The following DCC variants were observed in gnomAD, a reference collection of about 807,000 sequenced individuals.
The protein encoded by DCC is netrin receptor DCC.
A neutral mutation model predicts 172.5 loss-of-function variants in DCC; 58 were observed. The ratio of observed to expected loss-of-function variants is 0.34; its 90% confidence interval spans 0.27 to 0.42. DCC has a LOEUF of 0.42. Among genes scored for constraint, DCC ranks in the 10% least tolerant of loss-of-function variants. DCC has a pLI of 1.00. For missense variants in DCC, 1,740 were observed against 1,791.0 expected (o/e 0.97, Z 0.51); for synonymous variants, 709 against 644.5 (o/e 1.10, Z -1.52).
chr18:52,651,577 T>C (rs1330487684), intron 1 of DCC, among the ~76,000 whole-genome samples: 1 of 152,064 alleles, frequency 6.6e-6, no homozygotes, highest in Non-Finnish European at 1.5e-5. Context: ...TGAAGTCTAC[T>C]CCTTTTTATC....
At chr18:52,776,963 A>G (rs577123723) in intron 2 of DCC, among the ~76,000 whole-genome samples, 1 of 152,308 alleles carries the variant, frequency 6.6e-6, no homozygotes, top group East Asian at 1.9e-4. Context: ...TTGACTAGCA[A>G]TAGGTTTGGG....
intron 7 of DCC, among the ~76,000 whole-genome samples, chr18:53,114,679 A>C (rs1206272979): frequency 6.6e-6 from 1 of 151,584 alleles, no homozygotes; most frequent in Non-Finnish European, 1.5e-5. Flanking sequence ...ATTGACATGC[A>C]GATCAGCCAC....
At position 52,382,925 on chromosome 18, in the gene DCC, T is replaced by G. The variant is rs182266552; in HGVS notation, c.91+42047T>G. Among the ~76,000 whole-genome samples, 220 of 152,256 alleles carry G rather than the reference T, an allele frequency of 1.4e-3. 1 individual carries two copies. The highest frequency in any genetic ancestry group is 3.4e-3 in the Middle Eastern group (1 of 294). ...TCTTATATTGTATGTCATTCATTAT[T>G]TCATCAAAATAATATTACCATGTTT... On this transcript the variant is annotated intron_variant, in intron 1 of 28. Transcript: ENST00000442544.
intron 12 of DCC, among the ~76,000 whole-genome samples, chr18:53,238,322 C>T (rs1598935414): frequency 1.3e-5 from 2 of 152,216 alleles, no homozygotes; most frequent in South Asian, 4.2e-4. Context: ...ATAGATGTTA[C>T]ATTAACATAT....
At chr18:52,968,142 A>G (rs2040966250) in intron 5 of DCC, among the ~76,000 whole-genome samples, 1 of 152,160 alleles carries the variant, frequency 6.6e-6, no homozygotes, top group African/African-American at 2.4e-5. Flanking sequence ...AATAACGCAA[A>G]GTTCCATCCT....
intron 1 of DCC, among the ~76,000 whole-genome samples, chr18:52,610,164 A>T (rs866594436): frequency 0.013 from 295 of 22,322 alleles, 23 homozygotes; most frequent in Middle Eastern, 0.042. Context: ...AAAAAAAAAA[A>T]AAAAAAAAAA....
At chr18:52,683,558 A>G (rs554229580) in intron 1 of DCC, among the ~76,000 whole-genome samples, 106 of 152,208 alleles carry the variant, frequency 7.0e-4, no homozygotes, top group African/African-American at 2.4e-3. Flanking sequence ...ACAATATCTA[A>G]ACCATGGCCT....
intron 12 of DCC, among the ~76,000 whole-genome samples, chr18:53,298,785 A>G (rs2057099473): frequency 8.9e-6 from 1 of 112,224 alleles, no homozygotes; most frequent in African/African-American, 4.6e-5. Flanking sequence ...AATAATTTAA[A>G]TTATTTAAAT....
At chr18:52,883,378 GTGTGTGTGTGTGTGAGA>G (rs1407898604) in intron 2 of DCC, among the ~76,000 whole-genome samples, 14 of 123,074 alleles carry the variant, frequency 1.1e-4, no homozygotes, top group Admixed American at 2.6e-4. Context: ...GTGTGTGTGT[GTGTGTGTGTGTGTGAGA>G]TCTCTTTCTG....
chr18:53,408,956 A>T (rs1175850899), intron 19 of DCC, among the ~76,000 whole-genome samples: 1 of 152,202 alleles, frequency 6.6e-6, no homozygotes, highest in Admixed American at 6.5e-5. Flanking sequence ...GCATAATTCT[A>T]TAAGGCACTA....
At chr18:53,399,061 G>A (rs1237904351) in intron 18 of DCC, among the ~76,000 whole-genome samples, 1 of 152,080 alleles carries the variant, frequency 6.6e-6, no homozygotes, top group Non-Finnish European at 1.5e-5. Context: ...GAAATTTTTT[G>A]AAATCAAGCA....
intron 5 of DCC, among the ~76,000 whole-genome samples, chr18:52,925,899 AGGATTGAGGG>A (rs2040194895): frequency 7.1e-6 from 1 of 140,344 alleles, no homozygotes; most frequent in South Asian, 2.6e-4. Context: ...AGATTTAAGG[AGGATTGAGGG>A]GTTCATTATA....
intron 5 of DCC, among the ~76,000 whole-genome samples, chr18:53,036,807 T>A (rs1242196192): frequency 6.6e-6 from 1 of 152,016 alleles, no homozygotes; most frequent in East Asian, 1.9e-4. Flanking sequence ...TAAGCAATAT[T>A]GGAACACATC....
At chr18:52,428,388 A>G (rs17816792) in intron 1 of DCC, among the ~76,000 whole-genome samples, 30,041 of 152,058 alleles carry the variant, frequency 0.2, 3,606 homozygotes, top group East Asian at 0.56. Flanking sequence ...TCATAATAAG[A>G]TTAAGTAAAA....
intron 7 of DCC, among the ~76,000 whole-genome samples, chr18:53,128,870 CATATATATATAT>C (rs367907467): frequency 0.025 from 1,934 of 77,404 alleles, 36 homozygotes; most frequent in South Asian, 0.061. Context: ...CACACACACA[CATATATATATAT>C]ATATATATAT....
At chr18:52,514,790 T>C (rs746313982) in intron 1 of DCC, among the ~76,000 whole-genome samples, 6 of 152,234 alleles carry the variant, frequency 3.9e-5, no homozygotes, top group Non-Finnish European at 8.8e-5. Flanking sequence ...AATAAGTAGC[T>C]TGATCGAAAA....
intron 15 of DCC, among the ~76,000 whole-genome samples, chr18:53,358,967 G>T (rs1036999125): frequency 8.5e-5 from 13 of 152,168 alleles, no homozygotes; most frequent in African/African-American, 3.1e-4. Context: ...TTGGTATGAG[G>T]TTGTTAGAAG....
intron 12 of DCC, among the ~76,000 whole-genome samples, chr18:53,231,733 T>C (rs186877187): frequency 1.3e-5 from 2 of 152,232 alleles, no homozygotes; most frequent in Admixed American, 6.5e-5. Flanking sequence ...TAATCCTCAG[T>C]GTGTTAGATT....
intron 23 of DCC, among the ~76,000 whole-genome samples, chr18:53,456,348 C>A (rs1405509130): frequency 6.6e-6 from 1 of 152,090 alleles, no homozygotes; most frequent in Non-Finnish European, 1.5e-5. Flanking sequence ...AACAGAGAGC[C>A]TGGGAGGGTT....
Sources: gnomAD v4.1 joint callset for allele counts (sites outside exome capture counted in the v4.1 genomes callset) on GRCh38, gnomAD v4.1.1 for gene constraint, MANE v1.5 for transcripts, NCBI Gene and HGNC (gene_info 2026-07-23, HGNC 2026-07-21) for gene names.